The following SLC24A2 variants were observed in gnomAD, a reference collection of about 807,000 sequenced individuals.
SLC24A2 encodes the protein solute carrier family 24 member 2, also known as sodium/potassium/calcium exchanger 2.
Under a neutral mutation model 62.0 loss-of-function variants are expected in SLC24A2, and 36 were observed. That is an observed-to-expected ratio of 0.58 (90% CI 0.44 to 0.77). The LOEUF (loss-of-function observed/expected upper bound fraction) is 0.77, where lower values mean the gene tolerates loss of function less well. Ranked by LOEUF, SLC24A2 falls within the 30% of genes least tolerant of loss-of-function variation. The pLI is 0.00. For missense variants in SLC24A2, 846 were observed against 817.9 expected (o/e 1.03, Z -0.42); for synonymous variants, 358 against 294.0 (o/e 1.22, Z -2.23).
At chr9:19,778,750 C>G (rs775153308) in intron 2 of SLC24A2, among the ~76,000 whole-genome samples, 1 of 152,062 alleles carries the variant, frequency 6.6e-6, no homozygotes, top group Non-Finnish European at 1.5e-5. Context: ...CAATGGAGTT[C>G]CACAGGTAAA....
At chr9:19,521,135 C>T (rs1044321988) in intron 9 of SLC24A2, 75 bp from the exon 10 acceptor site, 41 of 1,356,906 alleles carry the variant, frequency 3.0e-5, no homozygotes, top group African/African-American at 8.6e-5. Context: ...AATTTCAATG[C>T]GACCTCCTTT....
At chr9:19,787,856 G>T (rs747538723) in intron 1 of SLC24A2, among the ~76,000 whole-genome samples, 5 of 152,082 alleles carry the variant, frequency 3.3e-5, no homozygotes, top group Non-Finnish European at 7.4e-5. Context: ...TAAACAATAC[G>T]CAAGTTGTAG....
At chr9:20,152,673 G>T in the SLC24A2 span, among the ~76,000 whole-genome samples, 1 of 151,854 alleles carries the variant, frequency 6.6e-6, no homozygotes, top group African/African-American at 2.4e-5. Context: ...GCTGTGTCCA[G>T]TTTTGACTAG....
At chr9:19,779,432 T>C (rs955619290) in intron 2 of SLC24A2, among the ~76,000 whole-genome samples, 1 of 152,192 alleles carries the variant, frequency 6.6e-6, no homozygotes, top group Non-Finnish European at 1.5e-5. Flanking sequence ...AAAAACGGAA[T>C]TGAGAGACAG....
the SLC24A2 span, among the ~76,000 whole-genome samples, chr9:19,849,539 C>T: frequency 6.6e-6 from 1 of 151,892 alleles, no homozygotes; most frequent in East Asian, 1.9e-4. Flanking sequence ...GTGAATGTTT[C>T]AATAGAGAAA....
intron 5 of SLC24A2, among the ~76,000 whole-genome samples, chr9:19,594,816 G>C (rs560202391): frequency 6.6e-6 from 1 of 152,286 alleles, no homozygotes; most frequent in East Asian, 1.9e-4. Flanking sequence ...AGAGACCCTT[G>C]AGAGTTTGAA....
chr9:20,284,513 T>G, the SLC24A2 span, among the ~76,000 whole-genome samples: 1 of 136,044 alleles, frequency 7.4e-6, no homozygotes, highest in Non-Finnish European at 1.6e-5. Context: ...TTTAGCCATG[T>G]CAATAAGCTT....
the SLC24A2 span, among the ~76,000 whole-genome samples, chr9:19,839,834 A>G: frequency 2.0e-5 from 3 of 152,204 alleles, no homozygotes; most frequent in Non-Finnish European, 4.4e-5. Context: ...AAATTCACCT[A>G]GTGATGTCAT....
intron 8 of SLC24A2, among the ~76,000 whole-genome samples, chr9:19,541,735 C>G (rs1325401448): frequency 6.7e-6 from 1 of 148,816 alleles, no homozygotes; most frequent in Non-Finnish European, 1.5e-5. Flanking sequence ...GGGCTCCACC[C>G]AGTTCGAGCT....
At chr9:19,683,722 T>C (rs1375568021) in intron 2 of SLC24A2, among the ~76,000 whole-genome samples, 1 of 152,132 alleles carries the variant, frequency 6.6e-6, no homozygotes, top group African/African-American at 2.4e-5. Flanking sequence ...TAGCTAAGCA[T>C]AAGCAGAACT....
chr9:19,662,574 T>C (rs1305821948), intron 2 of SLC24A2, among the ~76,000 whole-genome samples: 1 of 152,208 alleles, frequency 6.6e-6, no homozygotes, highest in Non-Finnish European at 1.5e-5. Context: ...TACAAGCCCT[T>C]GGACAGAGAC....
At chr9:19,697,901 A>G (rs1269472303) in intron 2 of SLC24A2, among the ~76,000 whole-genome samples, 1 of 152,178 alleles carries the variant, frequency 6.6e-6, no homozygotes, top group Admixed American at 6.5e-5. Flanking sequence ...CATACATGGT[A>G]TGTTCCCTCT....
the SLC24A2 span, among the ~76,000 whole-genome samples, chr9:19,906,814 T>G: frequency 6.6e-6 from 1 of 152,164 alleles, no homozygotes; most frequent in South Asian, 2.1e-4. Flanking sequence ...TAACAGGCTC[T>G]GAAATTGAGG....
At chr9:19,955,522 C>T in the SLC24A2 span, among the ~76,000 whole-genome samples, 3 of 151,856 alleles carry the variant, frequency 2.0e-5, no homozygotes, top group African/African-American at 7.3e-5. Flanking sequence ...ATGGAAAGGT[C>T]AGCTACTTTT....
chr9:20,226,752 T>C, the SLC24A2 span, among the ~76,000 whole-genome samples: 1 of 152,178 alleles, frequency 6.6e-6, no homozygotes, highest in Admixed American at 6.6e-5. Flanking sequence ...TTAAATACAT[T>C]ACATATATAT....
the SLC24A2 span, among the ~76,000 whole-genome samples, chr9:19,953,429 T>A: frequency 6.6e-6 from 1 of 152,112 alleles, no homozygotes. Flanking sequence ...CTTAAGGATA[T>A]TATTATCTAG....
chr9:20,086,777 T>G, the SLC24A2 span, among the ~76,000 whole-genome samples: 1 of 152,234 alleles, frequency 6.6e-6, no homozygotes, highest in Non-Finnish European at 1.5e-5. Flanking sequence ...AAAATTATTA[T>G]GCTTTTCTTT....
the SLC24A2 span, among the ~76,000 whole-genome samples, chr9:20,088,138 G>A: frequency 9.2e-5 from 14 of 152,332 alleles, no homozygotes; most frequent in African/African-American, 3.4e-4. Context: ...AAATCAGGAG[G>A]TTGGACCCCC....
the SLC24A2 span, among the ~76,000 whole-genome samples, chr9:20,030,677 TTGTAAGAGTTC>T: frequency 6.6e-6 from 1 of 152,200 alleles, no homozygotes; most frequent in Non-Finnish European, 1.5e-5. Flanking sequence ...CCAGGTGCTG[TTGTAAGAGTTC>T]TGTAAATACT....
Sources: gnomAD v4.1 joint callset for allele counts (sites outside exome capture counted in the v4.1 genomes callset) on GRCh38, gnomAD v4.1.1 for gene constraint, MANE v1.5 for transcripts, NCBI Gene and HGNC (gene_info 2026-07-23, HGNC 2026-07-21) for gene names.